The following BICD1 variants were observed in gnomAD, a reference collection of about 807,000 sequenced individuals.
BICD1 encodes protein bicaudal D homolog 1.
In BICD1, 35 loss-of-function variants were observed where a neutral mutation model predicts 92.5. That is an observed-to-expected ratio of 0.38 (90% CI 0.29 to 0.50). The LOEUF (loss-of-function observed/expected upper bound fraction) is 0.50. Among genes scored for constraint, BICD1 ranks in the 20% least tolerant of loss-of-function variants. The pLI is 0.93. For synonymous variants in BICD1, 429 were observed against 465.1 expected (o/e 0.92, Z 1.00); for missense variants, 950 against 1,189.8 (o/e 0.80, Z 2.97).
chr12:32,126,760 T>TA (rs1383412842), intron 1 of BICD1, among the ~76,000 whole-genome samples: 5 of 150,814 alleles, frequency 3.3e-5, no homozygotes, highest in South Asian at 2.1e-4. Flanking sequence ...AGACTCTGTT[T>TA]AAAAAAAAAG....
At chr12:32,184,796 C>A (rs1475468596) in intron 1 of BICD1, among the ~76,000 whole-genome samples, 1 of 152,206 alleles carries the variant, frequency 6.6e-6, no homozygotes, top group African/African-American at 2.4e-5. Context: ...TAAATTCTCT[C>A]TTCAACTCAT....
chr12:32,201,658 TA>T (rs944102907), intron 1 of BICD1, among the ~76,000 whole-genome samples: 13 of 151,992 alleles, frequency 8.6e-5, no homozygotes, highest in African/African-American at 2.9e-4. Context: ...ATTTTAATGA[TA>T]AAGACACTCA....
Position 32,382,859 on chromosome 12 carries a change from A to G in BICD1, c.*5232A>G, listed in dbSNP as rs1940232148. On this transcript the variant is annotated 3_prime_UTR_variant, in exon 10 of 10. Transcript: ENST00000652176. ...TATTTAAAAATAATTATTCAATGATAGATAATGGAGATACAGAATGACTCA... is the reference window on the plus strand; with the variant it reads ...TATTTAAAAATAATTATTCAATGATGGATAATGGAGATACAGAATGACTCA... 1 of 152,098 alleles carries G rather than the reference A, an allele frequency of 6.6e-6. No homozygotes were observed. The allele number at this position is 152,098 out of a possible 1,614,324, so 9.4% of individuals were successfully genotyped here.
chr12:32,136,930 A>G (rs1942753933), intron 1 of BICD1, among the ~76,000 whole-genome samples: 1 of 152,170 alleles, frequency 6.6e-6, no homozygotes, highest in South Asian at 2.1e-4. Flanking sequence ...TGCCAACCAT[A>G]TTCCAGTTCT....
intron 2 of BICD1, among the ~76,000 whole-genome samples, chr12:32,254,110 A>G (rs576114737): frequency 4.8e-5 from 6 of 124,590 alleles, no homozygotes; most frequent in East Asian, 5.1e-4. Flanking sequence ...ATTCACTGCC[A>G]TATCCCACCT....
rs765654714 is a variant in BICD1 at position 32,107,290 on chromosome 12, C to G, written c.-42C>G. 6.6e-7 allele frequency: 1 copy of G among 1,516,990 alleles called. No homozygotes were observed. Among genetic ancestry groups the G allele is most frequent in the Non-Finnish European group, 9.0e-7 (1 of 1,113,082 alleles). 94.0% of individuals were successfully genotyped at this position (1,516,990 alleles called of 1,614,324 possible). ...TTCCCCGCCAGCTTCGCATCCATCT[C>G]CCCCACCCCGTAACCCCCTCCTGCC... On this transcript the variant is annotated 5_prime_UTR_variant, in exon 1 of 10. Transcript: ENST00000652176.
At chr12:32,272,128 C>G (rs1234961050) in intron 2 of BICD1, among the ~76,000 whole-genome samples, 1 of 152,170 alleles carries the variant, frequency 6.6e-6, no homozygotes, top group Non-Finnish European at 1.5e-5. Flanking sequence ...TGTTCTTTCA[C>G]TATTTCTTTT....
At chr12:32,336,446 GT>G (rs903018692) in intron 6 of BICD1, among the ~76,000 whole-genome samples, 5 of 152,142 alleles carry the variant, frequency 3.3e-5, no homozygotes, top group African/African-American at 1.2e-4. Context: ...AGGGTTTTCT[GT>G]TTTTTGTTTT....
At chr12:32,370,029 G>A (rs1172144871) in intron 9 of BICD1, among the ~76,000 whole-genome samples, 2 of 152,146 alleles carry the variant, frequency 1.3e-5, no homozygotes, top group African/African-American at 2.4e-5. Context: ...TTTAAGAAAG[G>A]TTTTTCGCTA....
At chr12:32,201,784 A>T (rs984238086) in intron 1 of BICD1, among the ~76,000 whole-genome samples, 1 of 142,568 alleles carries the variant, frequency 7.0e-6, no homozygotes. Context: ...GTGTTTGTTT[A>T]AAAAAAAAAA....
chr12:32,139,937 G>A (rs1362600454), intron 1 of BICD1, among the ~76,000 whole-genome samples: 2 of 152,164 alleles, frequency 1.3e-5, no homozygotes, highest in Non-Finnish European at 2.9e-5. Flanking sequence ...CTTCTATAAG[G>A]TCTTATACCA....
At chr12:32,168,284 G>A (rs143749319) in intron 1 of BICD1, among the ~76,000 whole-genome samples, 45 of 152,282 alleles carry the variant, frequency 3.0e-4, no homozygotes, top group African/African-American at 1.0e-3. Context: ...CAATTACACT[G>A]GATTGTGTTC....
chr12:32,230,738 G>T (rs1196709255), intron 2 of BICD1, among the ~76,000 whole-genome samples: 1 of 152,182 alleles, frequency 6.6e-6, no homozygotes, highest in African/African-American at 2.4e-5. Context: ...CAGCCATGTG[G>T]AGCAAAAGGG....
At chr12:32,127,770 G>T (rs1942394385) in intron 1 of BICD1, among the ~76,000 whole-genome samples, 1 of 152,172 alleles carries the variant, frequency 6.6e-6, no homozygotes, top group African/African-American at 2.4e-5. Flanking sequence ...CATTAAGGAG[G>T]AGGATATTGA....
At chr12:32,375,716 G>A (rs1939928743) in intron 9 of BICD1, among the ~76,000 whole-genome samples, 1 of 152,022 alleles carries the variant, frequency 6.6e-6, no homozygotes, top group African/African-American at 2.4e-5. Flanking sequence ...AAGAGTTTGG[G>A]AAGAAAGAAT....
At chr12:32,220,029 T>A (rs1235463686) in intron 2 of BICD1, among the ~76,000 whole-genome samples, 1 of 152,194 alleles carries the variant, frequency 6.6e-6, no homozygotes. Context: ...CTGGGAAAAC[T>A]GGCTAGCCAT....
intron 1 of BICD1, among the ~76,000 whole-genome samples, chr12:32,198,340 ATATATATATATATT>A (rs1473627339): frequency 7.1e-5 from 10 of 140,126 alleles, no homozygotes; most frequent in African/African-American, 2.6e-4. Flanking sequence ...CTATATATAT[ATATATATATATATT>A]CCAAAAATAT....
chr12:32,107,416 C>A lies in BICD1; in HGVS notation c.85C>A (p.His29Asn). ...RLTKELTETT[H>N]EKIQAAEYGL... ...AACCAAGGAGCTCACGGAGACCACC[C>A]ACGAGAAGATCCAGGCTGCCGAGTA... The change falls in exon 1 of 10, where the codon CAC becomes AAC. Residue 29 changes from histidine to asparagine, a missense_variant. His to Asn is a moderately conservative substitution (Grantham distance 68). Transcript: ENST00000652176. The A allele has an allele frequency of 6.2e-7, 1 of 1,612,202 alleles. No individual in the cohort carries two copies. Among genetic ancestry groups the A allele is most frequent in the South Asian group, 1.1e-5 (1 of 90,372 alleles).
intron 2 of BICD1, among the ~76,000 whole-genome samples, chr12:32,232,037 G>A (rs999339542): frequency 3.0e-4 from 45 of 150,970 alleles, no homozygotes; most frequent in Admixed American, 1.4e-3. Flanking sequence ...GAATAATGCC[G>A]CAATAAACAT....
Sources: gnomAD v4.1 joint callset for allele counts (sites outside exome capture counted in the v4.1 genomes callset) on GRCh38, gnomAD v4.1.1 for gene constraint, MANE v1.5 for transcripts, NCBI Gene and HGNC (gene_info 2026-07-23, HGNC 2026-07-21) for gene names.